RARB: variants seen among roughly 807,000 people sequenced by gnomAD.
RARB encodes HBV-activated protein.
A neutral mutation model predicts 51.9 loss-of-function variants in RARB; 17 were observed. The observed-to-expected ratio is 0.33, with a 90% CI of 0.22 to 0.49. The LOEUF is 0.49. Ranked by LOEUF, RARB falls within the 20% of genes least tolerant of loss-of-function variation. RARB has a pLI of 0.99. For synonymous variants in RARB, 215 were observed against 195.4 expected (o/e 1.10, Z -0.84); for missense variants, 369 against 550.8 (o/e 0.67, Z 3.30).
chr3:25,455,096 T>G (rs1694842677), intron 1 of RARB, among the ~76,000 whole-genome samples: 1 of 152,206 alleles, frequency 6.6e-6, no homozygotes, highest in African/African-American at 2.4e-5. Context: ...GAGGACTGTT[T>G]CTCAAAATGC....
chr3:25,558,122 A>C (rs1700132752), intron 3 of RARB, among the ~76,000 whole-genome samples: 1 of 152,206 alleles, frequency 6.6e-6, no homozygotes, highest in Non-Finnish European at 1.5e-5. Context: ...AAACATGGGT[A>C]GTTTCACTGA....
chr3:25,410,325 GTCTC>G (rs923611727), intron 5 of RARB, among the ~76,000 whole-genome samples: 3 of 152,118 alleles, frequency 2.0e-5, no homozygotes, highest in African/African-American at 7.2e-5. Flanking sequence ...TCACAAATCT[GTCTC>G]TCTTACTTTC....
intron 3 of RARB, among the ~76,000 whole-genome samples, chr3:25,082,850 A>G (rs186965847): frequency 6.6e-6 from 1 of 152,100 alleles, no homozygotes; most frequent in South Asian, 2.1e-4. Context: ...ATATAGTGCA[A>G]GTCTTCTGGT....
At chr3:24,942,699 T>C (rs997003629) in intron 2 of RARB, among the ~76,000 whole-genome samples, 7 of 152,180 alleles carry the variant, frequency 4.6e-5, no homozygotes, top group Non-Finnish European at 2.9e-5. Flanking sequence ...AAATACGCAC[T>C]ATGTTGCCTG....
At chr3:25,075,500 A>G (rs751317185) in intron 3 of RARB, among the ~76,000 whole-genome samples, 12 of 152,120 alleles carry the variant, frequency 7.9e-5, no homozygotes, top group Non-Finnish European at 1.5e-4. Context: ...TTGGATGTGC[A>G]TTTATTAAAG....
intron 5 of RARB, among the ~76,000 whole-genome samples, chr3:25,220,167 T>G (rs541517260): frequency 6.6e-6 from 1 of 152,318 alleles, no homozygotes; most frequent in East Asian, 1.9e-4. Context: ...ACTATTTCAT[T>G]GCTAACTCAA....
In RARB at chr3:25,384,470, A is replaced by G. The variant is rs184348684; in HGVS notation, c.179-76723A>G. On this transcript the variant is annotated intron_variant, in intron 5 of 11. Coordinates refer to the RARB transcript ENST00000383772. ...ATTATAAACTGGACTCTCAACTCCT[A>G]TCTTTAAAATGAAAAGGTATAGATG... Among the ~76,000 whole-genome samples the G allele has an allele frequency of 9.5e-4, 145 of 152,328 alleles. 2 individuals carry two copies. Among genetic ancestry groups the G allele is most frequent in the Admixed American group, 6.0e-3 (92 of 15,300 alleles).
chr3:25,566,173 G>A (rs949136268), intron 3 of RARB, among the ~76,000 whole-genome samples: 6 of 152,190 alleles, frequency 3.9e-5, no homozygotes, highest in African/African-American at 1.4e-4. Context: ...CTCAAACACT[G>A]CGTCTGCGTT....
intron 2 of RARB, among the ~76,000 whole-genome samples, chr3:25,478,925 G>C (rs1696095962): frequency 6.6e-6 from 1 of 152,188 alleles, no homozygotes; most frequent in African/African-American, 2.4e-5. Context: ...GGTGCTGCCT[G>C]CCAAAATAGT....
At chr3:25,406,673 G>A (rs1357810986) in intron 5 of RARB, among the ~76,000 whole-genome samples, 1 of 152,202 alleles carries the variant, frequency 6.6e-6, no homozygotes, top group Non-Finnish European at 1.5e-5. Flanking sequence ...AGACACTGGA[G>A]GTTGGGACTT....
At chr3:25,518,920 G>A (rs1202448792) in intron 3 of RARB, among the ~76,000 whole-genome samples, 1 of 152,056 alleles carries the variant, frequency 6.6e-6, no homozygotes, top group African/African-American at 2.4e-5. Flanking sequence ...AGCTTTCTGG[G>A]GTTGGAACAT....
At chr3:25,342,572 C>T (rs1304823173) in intron 5 of RARB, among the ~76,000 whole-genome samples, 1 of 152,138 alleles carries the variant, frequency 6.6e-6, no homozygotes, top group Non-Finnish European at 1.5e-5. Flanking sequence ...CAAGTACCAA[C>T]CTTCTTTTTT....
intron 3 of RARB, among the ~76,000 whole-genome samples, chr3:25,549,906 G>GTC (rs543730295): frequency 7.4e-4 from 112 of 151,428 alleles, no homozygotes; most frequent in Non-Finnish European, 1.3e-3. Flanking sequence ...AAGCCCAGCT[G>GTC]TCTCTCTCTC....
chr3:25,337,548 T>C (rs1705099344), intron 5 of RARB, among the ~76,000 whole-genome samples: 1 of 152,146 alleles, frequency 6.6e-6, no homozygotes, highest in South Asian at 2.1e-4. Context: ...TCGACATCAT[T>C]CCCATCTCAA....
At chr3:25,263,047 C>A (rs994005254) in intron 5 of RARB, among the ~76,000 whole-genome samples, 2 of 152,004 alleles carry the variant, frequency 1.3e-5, no homozygotes, top group Admixed American at 6.6e-5. Flanking sequence ...AACCTGGGAC[C>A]CCTCTAGGGA....
chr3:24,972,085 G>T (rs1377009523), intron 2 of RARB, among the ~76,000 whole-genome samples: 1 of 151,686 alleles, frequency 6.6e-6, no homozygotes, highest in Non-Finnish European at 1.5e-5. Context: ...TTGAACACCA[G>T]GTGTCCTTTC....
At chr3:24,855,798 A>G (rs1702625399) in intron 1 of RARB, among the ~76,000 whole-genome samples, 1 of 126,730 alleles carries the variant, frequency 7.9e-6, no homozygotes, top group African/African-American at 3.2e-5. Context: ...CCCAGGCTGG[A>G]TGGAGTGCAG....
chr3:25,524,284 C>T (rs1438587537), intron 3 of RARB, among the ~76,000 whole-genome samples: 2 of 152,222 alleles, frequency 1.3e-5, no homozygotes, highest in East Asian at 3.9e-4. Context: ...CTTTTGTTAC[C>T]ACGGCACCCA....
At chr3:25,358,604 T>C (rs1250016289) in intron 5 of RARB, among the ~76,000 whole-genome samples, 1 of 152,216 alleles carries the variant, frequency 6.6e-6, no homozygotes, top group East Asian at 1.9e-4. Flanking sequence ...CAGTATGATA[T>C]TGGCTGTGCG....
Sources: gnomAD v4.1 joint callset for allele counts (sites outside exome capture counted in the v4.1 genomes callset) on GRCh38, gnomAD v4.1.1 for gene constraint, MANE v1.5 for transcripts, NCBI Gene and HGNC (gene_info 2026-07-23, HGNC 2026-07-21) for gene names.